IMMP2L: variants seen among roughly 807,000 people sequenced by gnomAD.
IMMP2L encodes inner mitochondrial membrane peptidase subunit 2.
A neutral mutation model predicts 19.3 loss-of-function variants in IMMP2L; 18 were observed. The ratio of observed to expected loss-of-function variants is 0.93; its 90% CI spans 0.64 to 1.38. The LOEUF (loss-of-function observed/expected upper bound fraction) is 1.38, where lower values mean the gene tolerates loss of function less well. IMMP2L is among the 40% of genes most tolerant of loss of function. The pLI, the probability that IMMP2L is intolerant of heterozygous loss-of-function variation, is 0.00. For missense variants in IMMP2L, 233 were observed against 218.2 expected (o/e 1.07, Z -0.43); for synonymous variants, 76 against 73.0 (o/e 1.04, Z -0.21).
At chr7:111,238,100 AGTC>A (rs1363146004) in intron 3 of IMMP2L, among the ~76,000 whole-genome samples, 1 of 152,090 alleles carries the variant, frequency 6.6e-6, no homozygotes, top group Non-Finnish European at 1.5e-5. Flanking sequence ...CATTAAGGTC[AGTC>A]TTCTGGTATG....
intron 3 of IMMP2L, among the ~76,000 whole-genome samples, chr7:111,320,831 AC>A (rs745866436): frequency 2.8e-4 from 43 of 152,006 alleles, no homozygotes; most frequent in Admixed American, 7.2e-4. Context: ...TAGTTATCAT[AC>A]CATACAGTAC....
At position 111,561,990 on chromosome 7, in the gene IMMP2L, C is replaced by A. The variant is rs1010400745; in HGVS notation, c.-142G>T. ...ATGTTGTTCAAGCCTGACGCTCTCC[C>A]ACCACCTGCCCAACACTTCCAGGCA... On this transcript the variant is annotated 5_prime_UTR_variant, in exon 1 of 6. Transcript: ENST00000405709. 1 of 152,694 alleles carries A rather than the reference C, an allele frequency of 6.5e-6. No individual in the cohort carries two copies. The highest frequency in any genetic ancestry group is 1.5e-5 in the Non-Finnish European group (1 of 68,158). The allele number at this position is 152,694 out of a possible 1,614,324, so 9.5% of individuals were successfully genotyped here.
intron 1 of IMMP2L, among the ~76,000 whole-genome samples, chr7:111,534,610 C>T (rs1847710704): frequency 6.6e-6 from 1 of 151,992 alleles, no homozygotes; most frequent in African/African-American, 2.4e-5. Flanking sequence ...TATACTAAAA[C>T]AAAATTAATA....
intron 3 of IMMP2L, among the ~76,000 whole-genome samples, chr7:111,359,819 T>G (rs549123077): frequency 3.7e-4 from 57 of 152,228 alleles, no homozygotes; most frequent in African/African-American, 1.4e-3. Flanking sequence ...GAATGAATGT[T>G]AAAGAAGAGG....
At chr7:110,923,134 C>T (rs547128579) in intron 4 of IMMP2L, among the ~76,000 whole-genome samples, 1 of 152,188 alleles carries the variant, frequency 6.6e-6, no homozygotes, top group Admixed American at 6.5e-5. Flanking sequence ...GACTACAAAA[C>T]AGAAAAAGAA....
At chr7:111,442,145 A>G (rs2131802028) in intron 3 of IMMP2L, among the ~76,000 whole-genome samples, 1 of 151,908 alleles carries the variant, frequency 6.6e-6, no homozygotes, top group East Asian at 1.9e-4. Context: ...TCAAAAAAAA[A>G]AGCTCTGCAG....
intron 5 of IMMP2L, among the ~76,000 whole-genome samples, chr7:110,670,134 C>G (rs752480433): frequency 2.0e-5 from 3 of 152,004 alleles, no homozygotes; most frequent in Non-Finnish European, 4.4e-5. Context: ...GATTAGTGAC[C>G]TTACGAGAAG....
At chr7:111,107,564 A>T (rs1798687646) in intron 3 of IMMP2L, among the ~76,000 whole-genome samples, 1 of 152,140 alleles carries the variant, frequency 6.6e-6, no homozygotes, top group African/African-American at 2.4e-5. Flanking sequence ...GATTCTGTGC[A>T]TGTATAACAA....
chr7:110,801,142 T>G (rs186364750), intron 5 of IMMP2L, among the ~76,000 whole-genome samples: 169 of 152,214 alleles, frequency 1.1e-3, no homozygotes, highest in African/African-American at 3.9e-3. Flanking sequence ...TTGAAAATGT[T>G]TCTACACCTC....
intron 5 of IMMP2L, among the ~76,000 whole-genome samples, chr7:110,669,050 TGC>T (rs143337230): frequency 0.061 from 3,482 of 57,464 alleles, 134 homozygotes; most frequent in East Asian, 0.28. Context: ...TGTGTGTGTG[TGC>T]GTGTGTGTGT....
chr7:111,344,648 C>T (rs1395586153), intron 3 of IMMP2L, among the ~76,000 whole-genome samples: 2 of 152,180 alleles, frequency 1.3e-5, no homozygotes, highest in East Asian at 1.9e-4. Context: ...TTCTTATTTT[C>T]TCTAAATTTC....
intron 2 of IMMP2L, among the ~76,000 whole-genome samples, chr7:111,490,554 G>A (rs1310029238): frequency 2.0e-5 from 3 of 151,666 alleles, no homozygotes; most frequent in Non-Finnish European, 4.4e-5. Flanking sequence ...TCTACTTCTG[G>A]CACGTTTTCT....
At chr7:110,748,518 CA>C (rs1427592558) in intron 5 of IMMP2L, among the ~76,000 whole-genome samples, 2 of 152,118 alleles carry the variant, frequency 1.3e-5, no homozygotes, top group Admixed American at 6.6e-5. Flanking sequence ...GCTACAGTAA[CA>C]AAAACAGCAT....
intron 1 of IMMP2L, among the ~76,000 whole-genome samples, chr7:111,555,938 G>A (rs889639945): frequency 6.8e-6 from 1 of 147,964 alleles, no homozygotes; most frequent in Non-Finnish European, 1.5e-5. Flanking sequence ...GAAAAAGTAG[G>A]GAGGTTCCTA....
chr7:110,746,884 A>G (rs1797381576), intron 5 of IMMP2L, among the ~76,000 whole-genome samples: 1 of 152,148 alleles, frequency 6.6e-6, no homozygotes. Flanking sequence ...CTAGCAGAAG[A>G]CAAAAAATAA....
At chr7:110,692,097 G>C (rs1793544580) in intron 5 of IMMP2L, among the ~76,000 whole-genome samples, 1 of 152,046 alleles carries the variant, frequency 6.6e-6, no homozygotes. Context: ...AAAATGCGGT[G>C]TGTGTAAACA....
intron 3 of IMMP2L, among the ~76,000 whole-genome samples, chr7:111,296,749 CT>C (rs1821678467): frequency 6.6e-6 from 1 of 151,898 alleles, no homozygotes; most frequent in African/African-American, 2.4e-5. Context: ...TCATAACAGA[CT>C]TTTTTTGTAA....
intron 5 of IMMP2L, among the ~76,000 whole-genome samples, chr7:110,843,833 T>A (rs1453512168): frequency 6.6e-6 from 1 of 152,056 alleles, no homozygotes; most frequent in Non-Finnish European, 1.5e-5. Context: ...AAGGGAAGAA[T>A]ATTCTGGACT....
chr7:111,221,801 C>T (rs539652864), intron 3 of IMMP2L, among the ~76,000 whole-genome samples: 1 of 151,954 alleles, frequency 6.6e-6, no homozygotes, highest in Non-Finnish European at 1.5e-5. Context: ...ACAATGATAA[C>T]TATGAAAAGA....
Sources: gnomAD v4.1 joint callset for allele counts (sites outside exome capture counted in the v4.1 genomes callset) on GRCh38, gnomAD v4.1.1 for gene constraint, MANE v1.5 for transcripts, NCBI Gene and HGNC (gene_info 2026-07-23, HGNC 2026-07-21) for gene names.